CNTNAP2: variants seen among roughly 807,000 people sequenced by gnomAD.
CNTNAP2 encodes contactin-associated protein-like 2.
CNTNAP2 carries 98 observed loss-of-function variants against 155.2 expected under a neutral mutation model. The observed-to-expected ratio is 0.63, with a 90% CI of 0.54 to 0.75. The LOEUF is 0.75. Among genes scored for constraint, CNTNAP2 ranks in the 30% least tolerant of loss-of-function variants. The probability of loss-of-function intolerance (pLI) is 0.00; values close to 1 mark genes in which losing one functional copy is unlikely to be tolerated. For missense variants in CNTNAP2, 1,727 were observed against 1,688.1 expected, an observed-to-expected ratio of 1.02 and a Z score of -0.40; for synonymous variants, 651 against 631.2, an observed-to-expected ratio of 1.03 and a Z score of -0.47.
intron 1 of CNTNAP2, among the ~76,000 whole-genome samples, chr7:146,240,439 G>A (rs996653778): frequency 6.6e-6 from 1 of 151,784 alleles, no homozygotes; most frequent in African/African-American, 2.4e-5. Context: ...CAGAGAAGAA[G>A]CATTCCTCTA....
intron 15 of CNTNAP2, among the ~76,000 whole-genome samples, chr7:148,113,503 G>A (rs1168046549): frequency 6.6e-6 from 1 of 152,204 alleles, no homozygotes; most frequent in Non-Finnish European, 1.5e-5. Context: ...TGGGAACACA[G>A]ATTTAAACCA....
At chr7:147,325,532 C>G (rs995786280) in intron 9 of CNTNAP2, among the ~76,000 whole-genome samples, 1 of 151,926 alleles carries the variant, frequency 6.6e-6, no homozygotes, top group Non-Finnish European at 1.5e-5. Flanking sequence ...AAATAGTTTG[C>G]TTTATTTACA....
At chr7:148,283,255 A>AGAAAAGAAAAGAAAGAAAGAAAGAAAG (rs1277840999) in intron 21 of CNTNAP2, among the ~76,000 whole-genome samples, 7 of 63,612 alleles carry the variant, frequency 1.1e-4, no homozygotes, top group Admixed American at 4.0e-4. Flanking sequence ...AAAAAAAAAA[A>AGAAAAGAAAAGAAAGAAAGAAAGAAAG]AAAGAAAGAA....
chr7:146,930,762 CAA>C (rs1563007307), intron 3 of CNTNAP2, among the ~76,000 whole-genome samples: 1 of 151,596 alleles, frequency 6.6e-6, no homozygotes, highest in Admixed American at 6.6e-5. Context: ...AAATGGAAAA[CAA>C]AAAAAGGCAG....
intron 8 of CNTNAP2, 55 bp downstream of exon 8, chr7:147,132,564 T>G: frequency 6.2e-7 from 1 of 1,608,182 alleles, no homozygotes; most frequent in Non-Finnish European, 8.5e-7. Flanking sequence ...TTTCCAGAGT[T>G]AATGTTGTGC....
intron 21 of CNTNAP2, among the ~76,000 whole-genome samples, chr7:148,279,516 A>C (rs536255503): frequency 6.6e-6 from 1 of 152,308 alleles, no homozygotes; most frequent in African/African-American, 2.4e-5. Context: ...TAGTTTAGGA[A>C]CTGTGGAATA....
chr7:146,473,928 C>A (rs10255626), intron 1 of CNTNAP2, among the ~76,000 whole-genome samples: 3,999 of 152,096 alleles, frequency 0.026, 63 homozygotes, highest in African/African-American at 0.051. Flanking sequence ...TTGTGTCCAC[C>A]GTACAAAAAT....
intron 9 of CNTNAP2, among the ~76,000 whole-genome samples, chr7:147,383,865 C>A (rs767062132): frequency 7.9e-5 from 12 of 152,010 alleles, no homozygotes; most frequent in Non-Finnish European, 1.6e-4. Context: ...GAAGTGCATA[C>A]ACACAAACAC....
At chr7:148,322,194 A>G (rs1396014220) in intron 21 of CNTNAP2, among the ~76,000 whole-genome samples, 1 of 152,212 alleles carries the variant, frequency 6.6e-6, no homozygotes, top group Admixed American at 6.5e-5. Context: ...AAGTGCTAGT[A>G]TTATAGGCGT....
chr7:147,133,154 C>T (rs1290728624), intron 8 of CNTNAP2, among the ~76,000 whole-genome samples: 1 of 152,032 alleles, frequency 6.6e-6, no homozygotes, highest in Non-Finnish European at 1.5e-5. Flanking sequence ...ATAGACTTCG[C>T]AACCTTGGAA....
intron 3 of CNTNAP2, among the ~76,000 whole-genome samples, chr7:146,843,247 C>T (rs1351882364): frequency 6.1e-5 from 8 of 131,880 alleles, no homozygotes; most frequent in Middle Eastern, 5.1e-3. Context: ...CTCCTGACCT[C>T]ATGATCCACC....
chr7:147,961,783 C>A (rs1463435000), intron 14 of CNTNAP2, among the ~76,000 whole-genome samples: 1 of 152,108 alleles, frequency 6.6e-6, no homozygotes, highest in East Asian at 1.9e-4. Flanking sequence ...ATCGAATATT[C>A]ATTATCTAAT....
chr7:146,777,335 C>G (rs1802407404), intron 2 of CNTNAP2, among the ~76,000 whole-genome samples: 1 of 152,174 alleles, frequency 6.6e-6, no homozygotes, highest in Non-Finnish European at 1.5e-5. Flanking sequence ...TCGCCCTCCC[C>G]AACGCTCTCA....
chr7:146,264,679 T>C (rs975473589), intron 1 of CNTNAP2, among the ~76,000 whole-genome samples: 1 of 151,744 alleles, frequency 6.6e-6, no homozygotes, highest in Admixed American at 6.6e-5. Flanking sequence ...AATAATAGGG[T>C]AAAGTGCAAG....
chr7:148,064,826 G>T (rs1363027658), intron 15 of CNTNAP2, among the ~76,000 whole-genome samples: 2 of 151,818 alleles, frequency 1.3e-5, no homozygotes, highest in African/African-American at 2.4e-5. Flanking sequence ...CTTTTCTTCT[G>T]CTGGGTTTGG....
intron 21 of CNTNAP2, among the ~76,000 whole-genome samples, chr7:148,322,846 G>T: frequency 6.8e-6 from 1 of 146,968 alleles, no homozygotes; most frequent in African/African-American, 2.5e-5. Context: ...TTCATTCAGG[G>T]ACTACCTTTC....
At chr7:146,280,265 T>C (rs1047313293) in intron 1 of CNTNAP2, among the ~76,000 whole-genome samples, 41 of 152,328 alleles carry the variant, frequency 2.7e-4, no homozygotes, top group African/African-American at 9.1e-4. Flanking sequence ...ATACTTTATG[T>C]AAGTGGAAGT....
At chr7:146,362,146 T>C (rs1795090863) in intron 1 of CNTNAP2, among the ~76,000 whole-genome samples, 1 of 152,202 alleles carries the variant, frequency 6.6e-6, no homozygotes, top group South Asian at 2.1e-4. Flanking sequence ...TTTTACTTTA[T>C]TTTGAAATAA....
chr7:146,545,921 A>C (rs1357667576), intron 1 of CNTNAP2, among the ~76,000 whole-genome samples: 1 of 151,992 alleles, frequency 6.6e-6, no homozygotes, highest in Non-Finnish European at 1.5e-5. Flanking sequence ...CAGAGGTTTT[A>C]TGGTAATATT....
Sources: gnomAD v4.1 joint callset for allele counts (sites outside exome capture counted in the v4.1 genomes callset) on GRCh38, gnomAD v4.1.1 for gene constraint, MANE v1.5 for transcripts, NCBI Gene and HGNC (gene_info 2026-07-23, HGNC 2026-07-21) for gene names.